Variants in GLI2 observed in about 807,000 individuals in gnomAD.
GLI2 encodes the protein GLI family zinc finger 2.
In GLI2, 22 loss-of-function variants were observed where a neutral mutation model predicts 78.9. The ratio of observed to expected loss-of-function variants is 0.28; its 90% CI spans 0.20 to 0.40. The LOEUF is 0.40. Ranked by LOEUF, GLI2 falls within the 10% of genes least tolerant of loss-of-function variation. The pLI, the probability that GLI2 is intolerant of heterozygous loss-of-function variation, is 1.00. For missense variants in GLI2, 2,097 were observed against 2,213.2 expected (o/e 0.95, Z 1.05); for synonymous variants, 974 against 963.7 (o/e 1.01, Z -0.20).
intron 2 of GLI2, among the ~76,000 whole-genome samples, chr2:120,822,306 G>T (rs1685818622): frequency 6.6e-6 from 1 of 152,244 alleles, no homozygotes. Flanking sequence ...TGTGCTATGG[G>T]CATAGTGCCC....
At chr2:120,862,803 G>C (rs1057135541) in intron 2 of GLI2, among the ~76,000 whole-genome samples, 3 of 152,234 alleles carry the variant, frequency 2.0e-5, no homozygotes, top group Admixed American at 2.0e-4. Context: ...GCTCAGAGCG[G>C]GGCTCCTCCC....
intron 8 of GLI2, 161 bp from the exon 9 acceptor site, chr2:120,974,814 G>A (rs1056660093): frequency 3.3e-6 from 3 of 902,984 alleles, no homozygotes; most frequent in Non-Finnish European, 5.5e-6. Context: ...CTGCATGCAT[G>A]TGTTGTGTGT....
At position 120,970,569 on chromosome 2, in the gene GLI2, T is replaced by TCAG. The variant is rs767031465; in HGVS notation, c.1034_1036dup (p.Ser345dup). On this transcript the variant is annotated inframe_insertion, in exon 7 of 14. Coordinates refer to ENST00000361492, the MANE Select transcript of GLI2 (RefSeq NM_001374353.1). Reference sequence around the variant, plus strand: ...TCCATCAATGCCACGCCCACCCAGCTCAGCAGCAGCAGCAACTGTCTGAGT... The same window carrying TCAG: ...TCCATCAATGCCACGCCCACCCAGCTCAGCAGCAGCAGCAGCAACTGTCTGAGT... 7 of 1,613,978 alleles carry TCAG rather than the reference T, an allele frequency of 4.3e-6. No homozygotes were observed. Among genetic ancestry groups the TCAG allele is most frequent in the Admixed American group, 3.3e-5 (2 of 60,018 alleles).
At chr2:120,909,681 C>T (rs187717513) in intron 2 of GLI2, among the ~76,000 whole-genome samples, 222 of 152,102 alleles carry the variant, frequency 1.5e-3, no homozygotes, top group African/African-American at 4.7e-3. Flanking sequence ...CTGGCTAACA[C>T]GGTGAAACCC....
intron 1 of GLI2, among the ~76,000 whole-genome samples, chr2:120,756,963 C>T (rs778787836): frequency 6.6e-5 from 10 of 152,122 alleles, no homozygotes; most frequent in Admixed American, 3.3e-4. Flanking sequence ...TTTATAATAC[C>T]GGATAGTTTT....
intron 2 of GLI2, among the ~76,000 whole-genome samples, chr2:120,841,874 T>TGTGTGTGTGTGTGTGTGTGTGTGTGG (rs1686895974): frequency 6.6e-6 from 1 of 151,690 alleles, no homozygotes. Context: ...TGTGTGTGTG[T>TGTGTGTGTGTGTGTGTGTGTGTGTGG]GTGTGTGTGT....
At position 120,988,502 on chromosome 2, in the gene GLI2, C is replaced by T; in HGVS notation, c.2537C>T (p.Ser846Leu). The T allele has an allele frequency of 6.5e-7, 1 of 1,531,732 alleles. No individual in the cohort carries two copies. The highest frequency in any genetic ancestry group is 2.6e-5 in the East Asian group (1 of 38,878). 94.9% of individuals were successfully genotyped at this position (1,531,732 alleles called of 1,614,324 possible). A position where few individuals can be genotyped will look rare whatever the true frequency, so the allele number is the denominator to read the frequency against. ...DSYDPISTDA[S>L]RRSSEASQCS... ...TACGACCCCATCTCCACGGACGCGT[C>T]GCGGCGCTCGAGCGAGGCCAGCCAG... The change falls in exon 14 of 14, where the codon TCG (serine) becomes TTG (leucine). Residue 846 changes from serine (S) to leucine (L), a missense_variant. Physicochemically the swap from Ser to Leu is moderately radical, Grantham distance 145. Around this residue, in one of 5 missense-constraint regions of GLI2, gnomAD observed 1,290 missense variants for 1,261.7 expected, o/e 1.02. Coordinates refer to ENST00000361492, the MANE Select transcript of GLI2 (RefSeq NM_001374353.1).
intron 1 of GLI2, among the ~76,000 whole-genome samples, chr2:120,788,092 A>G (rs894298886): frequency 2.0e-5 from 3 of 152,228 alleles, no homozygotes; most frequent in African/African-American, 7.2e-5. Flanking sequence ...CATGTGAGAC[A>G]TTCTGTTTAT....
intron 2 of GLI2, among the ~76,000 whole-genome samples, chr2:120,854,254 A>C (rs776914892): frequency 2.6e-5 from 4 of 152,120 alleles, no homozygotes; most frequent in South Asian, 2.1e-4. Flanking sequence ...TTGGGTCAAA[A>C]ATTTCTAGGC....
intron 5 of GLI2, 100 bp from the exon 6 acceptor site, chr2:120,968,614 A>G (rs1203560846): frequency 2.2e-6 from 2 of 924,648 alleles, no homozygotes; most frequent in Non-Finnish European, 3.6e-6. Context: ...TAGGATTCCC[A>G]TTAGACCATC....
intron 2 of GLI2, among the ~76,000 whole-genome samples, chr2:120,906,220 G>A (rs1678524453): frequency 6.6e-6 from 1 of 152,188 alleles, no homozygotes; most frequent in African/African-American, 2.4e-5. Context: ...AGGGGACAGT[G>A]GGAGTAGGAT....
intron 2 of GLI2, among the ~76,000 whole-genome samples, chr2:120,803,891 A>AG (rs1438663338): frequency 6.6e-6 from 1 of 152,068 alleles, no homozygotes; most frequent in Non-Finnish European, 1.5e-5. Context: ...CAAGAGTCTC[A>AG]GGGGGGGAGA....
intron 2 of GLI2, among the ~76,000 whole-genome samples, chr2:120,849,942 AATATG>A (rs1395050377): frequency 6.6e-6 from 1 of 152,266 alleles, no homozygotes; most frequent in Non-Finnish European, 1.5e-5. Context: ...TTAGATTAAA[AATATG>A]ATAGTTGAAA....
At chr2:120,881,997 G>A (rs1391623905) in intron 2 of GLI2, among the ~76,000 whole-genome samples, 2 of 152,046 alleles carry the variant, frequency 1.3e-5, no homozygotes. Flanking sequence ...GAATGTCATA[G>A]GGGACAACTA....
chr2:120,951,552 A>G (rs1425681380), intron 4 of GLI2, 107 bp downstream of exon 4: 5 of 707,144 alleles, frequency 7.1e-6, no homozygotes, highest in Non-Finnish European at 4.8e-6. Context: ...GTCCCCTTGA[A>G]TGGTGACCAG....
chr2:120,980,573 C>A (rs1426733385), intron 10 of GLI2, among the ~76,000 whole-genome samples: 1 of 152,168 alleles, frequency 6.6e-6, no homozygotes, highest in Non-Finnish European at 1.5e-5. Flanking sequence ...TTCTCCCATT[C>A]TCTGGATTTT....
At chr2:120,983,724 C>T (rs1158352848) in intron 11 of GLI2, among the ~76,000 whole-genome samples, 2 of 152,212 alleles carry the variant, frequency 1.3e-5, no homozygotes, top group Admixed American at 6.5e-5. Flanking sequence ...CAATTACTGT[C>T]GCTCAGGCTT....
intron 1 of GLI2, among the ~76,000 whole-genome samples, chr2:120,795,090 C>T (rs1045589384): frequency 7.9e-5 from 12 of 152,094 alleles, no homozygotes; most frequent in Non-Finnish European, 1.2e-4. Context: ...AATTCTAGGC[C>T]GAGTGTGGTA....
At chr2:120,904,791 G>A (rs1051457716) in intron 2 of GLI2, among the ~76,000 whole-genome samples, 4 of 152,156 alleles carry the variant, frequency 2.6e-5, no homozygotes, top group African/African-American at 4.8e-5. Flanking sequence ...CAGAGCCTGC[G>A]ATCTACCAAA....
Sources: gnomAD v4.1 joint callset for allele counts (sites outside exome capture counted in the v4.1 genomes callset) on GRCh38, gnomAD v4.1.1 for gene constraint, gnomAD v4.1.1 regional missense constraint, MANE v1.5 for transcripts, NCBI Gene and HGNC (gene_info 2026-07-23, HGNC 2026-07-21) for gene names.